Variants in GPHN observed in about 807,000 individuals in gnomAD.
GPHN encodes gephyrin.
Under a neutral mutation model 95.5 loss-of-function variants are expected in GPHN, and 17 were observed. That is an observed-to-expected ratio of 0.18 (90% confidence interval 0.12 to 0.27). The LOEUF is 0.27. GPHN is among the 10% of genes least tolerant of loss of function. The probability of loss-of-function intolerance (pLI) is 1.00; values close to 1 mark genes in which losing one functional copy is unlikely to be tolerated. For synonymous variants in GPHN, 320 were observed against 322.5 expected (o/e 0.99, Z 0.08); for missense variants, 660 against 978.1 (o/e 0.67, Z 4.34).
intron 5 of GPHN, among the ~76,000 whole-genome samples, chr14:66,884,942 T>C (rs1044315641): frequency 3.3e-5 from 5 of 151,760 alleles, no homozygotes; most frequent in Admixed American, 3.3e-4. Flanking sequence ...ATCTTTCAAT[T>C]CTGTAACTGT....
chr14:67,321,062 A>G, the GPHN span: 1 of 1,614,040 alleles, frequency 6.2e-7, no homozygotes, highest in African/African-American at 1.3e-5. Context: ...CCTAGATACA[A>G]CCCGGAGTAG....
At chr14:67,016,427 T>C (rs1291361776) in intron 9 of GPHN, among the ~76,000 whole-genome samples, 1 of 152,070 alleles carries the variant, frequency 6.6e-6, no homozygotes, top group East Asian at 1.9e-4. Flanking sequence ...AAAAAGATAT[T>C]TATAACCATT....
the GPHN span, among the ~76,000 whole-genome samples, chr14:67,413,434 T>G: frequency 6.6e-6 from 1 of 152,098 alleles, no homozygotes; most frequent in Admixed American, 6.5e-5. Flanking sequence ...AAGGGCCCTG[T>G]CAGGACTCTT....
At position 66,528,357 on chromosome 14, in the gene GPHN, T is replaced by C. The variant is rs140626030; in HGVS notation, c.64+19766T>C. Among the ~76,000 whole-genome samples, 934 of 152,326 alleles carry C rather than the reference T, an allele frequency of 6.1e-3. 29 individuals are homozygous for C. The highest frequency in any genetic ancestry group is 0.047 in the Admixed American group (714 of 15,296). On this transcript the variant is annotated intron_variant, in intron 1 of 22. Coordinates refer to ENST00000478722, the MANE Select transcript of GPHN (RefSeq NM_020806.5). ...CCTTTATTTTTAGCCTATGTGTGTCTTTGCATGTGAGATGGGTCTCCTGAA... is the reference window on the plus strand; with the variant it reads ...CCTTTATTTTTAGCCTATGTGTGTCCTTGCATGTGAGATGGGTCTCCTGAA...
intron 1 of GPHN, among the ~76,000 whole-genome samples, chr14:66,529,947 G>T (rs964539674): frequency 6.6e-6 from 1 of 152,190 alleles, no homozygotes; most frequent in Non-Finnish European, 1.5e-5. Flanking sequence ...ACTTGAGGCC[G>T]TCTGTCCCTT....
At chr14:67,197,695 A>G in the GPHN span, among the ~76,000 whole-genome samples, 1 of 152,148 alleles carries the variant, frequency 6.6e-6, no homozygotes, top group South Asian at 2.1e-4. Context: ...CCCTGCTTAC[A>G]AAAAGGGATT....
intron 8 of GPHN, among the ~76,000 whole-genome samples, chr14:66,940,291 G>C (rs1424802795): frequency 6.6e-6 from 1 of 152,046 alleles, no homozygotes; most frequent in Non-Finnish European, 1.5e-5. Context: ...AGTGGTTCAG[G>C]ATGCAATTGA....
chr14:67,262,775 T>C, the GPHN span, among the ~76,000 whole-genome samples: 1 of 152,326 alleles, frequency 6.6e-6, no homozygotes, highest in Non-Finnish European at 1.5e-5. Context: ...CTTTATCTTC[T>C]ATCTCTTACG....
the GPHN span, among the ~76,000 whole-genome samples, chr14:67,349,618 T>G: frequency 6.6e-6 from 1 of 152,182 alleles, no homozygotes; most frequent in Non-Finnish European, 1.5e-5. Flanking sequence ...GAGGATTGTT[T>G]GAGGCCAGGA....
At chr14:67,669,383 C>T in the GPHN span, among the ~76,000 whole-genome samples, 1 of 151,828 alleles carries the variant, frequency 6.6e-6, no homozygotes, top group South Asian at 2.1e-4. Context: ...GATCCTCCTG[C>T]CTCAGCCTCC....
At chr14:66,940,669 A>G (rs77237455) in intron 8 of GPHN, among the ~76,000 whole-genome samples, 1 of 152,204 alleles carries the variant, frequency 6.6e-6, no homozygotes, top group East Asian at 1.9e-4. Context: ...GGAATCAGTC[A>G]TGCTCACCTG....
the GPHN span, among the ~76,000 whole-genome samples, chr14:67,346,599 G>C: frequency 6.6e-6 from 1 of 152,242 alleles, no homozygotes; most frequent in Non-Finnish European, 1.5e-5. Flanking sequence ...GCAGGTGTGA[G>C]CCACTGTGCC....
chr14:67,113,181 A>G lies in GPHN; in HGVS notation c.1626+10A>G. The G allele has an allele frequency of 6.2e-7, 1 of 1,611,582 alleles. No homozygotes were observed. The highest frequency in any genetic ancestry group is 8.5e-7 in the Non-Finnish European group (1 of 1,177,632). ...GTCAACAGGGAATGAGGTATTAAAA[A>G]TAAAAATGGAGGGAGTGGGGAGAGG... On this transcript the variant is annotated intron_variant, in intron 16 of 22. Coordinates refer to ENST00000478722, the MANE Select transcript of GPHN (RefSeq NM_020806.5).
At chr14:66,669,300 G>T (rs2066160314) in intron 1 of GPHN, among the ~76,000 whole-genome samples, 1 of 151,012 alleles carries the variant, frequency 6.6e-6, no homozygotes, top group Non-Finnish European at 1.5e-5. Flanking sequence ...GGAGGCGGAG[G>T]TTGTGGTGAG....
chr14:66,785,932 C>T (rs2059760128), intron 3 of GPHN, among the ~76,000 whole-genome samples: 1 of 151,960 alleles, frequency 6.6e-6, no homozygotes, highest in African/African-American at 2.4e-5. Flanking sequence ...ATATGCAAAG[C>T]AGACATTAAG....
the GPHN span, chr14:67,542,008 G>A: frequency 6.3e-7 from 1 of 1,588,576 alleles, no homozygotes; most frequent in South Asian, 1.1e-5. Flanking sequence ...GTCCCTCAGA[G>A]CAGGGAGCTG....
the GPHN span, chr14:67,581,960 G>A: frequency 1.2e-5 from 13 of 1,091,308 alleles, no homozygotes; most frequent in African/African-American, 1.6e-5. Flanking sequence ...ATAAATAGTG[G>A]GAAAAGAGTA....
intron 3 of GPHN, among the ~76,000 whole-genome samples, chr14:66,801,286 G>A (rs2060337904): frequency 6.6e-6 from 1 of 152,032 alleles, no homozygotes; most frequent in Non-Finnish European, 1.5e-5. Context: ...GCATTAAAGT[G>A]TTATGTATTT....
chr14:67,431,441 C>T, the GPHN span, among the ~76,000 whole-genome samples: 1 of 144,480 alleles, frequency 6.9e-6, no homozygotes, highest in Non-Finnish European at 1.5e-5. Flanking sequence ...GTAATCCCAG[C>T]ATTTTGGGAG....
Sources: allele counts gnomAD v4.1 joint callset (sites outside exome capture counted in the v4.1 genomes callset), GRCh38; gene constraint gnomAD v4.1.1; transcripts MANE v1.5; gene names NCBI Gene and HGNC (gene_info 2026-07-23, HGNC 2026-07-21).